The following FRMPD4 variants were observed in gnomAD, a reference collection of about 807,000 sequenced individuals.
The protein encoded by FRMPD4 is FERM and PDZ domain-containing protein 4.
A neutral mutation model predicts 94.1 loss-of-function variants in FRMPD4; 22 were observed. The observed-to-expected ratio is 0.23, with a 90% CI of 0.17 to 0.33. The LOEUF (loss-of-function observed/expected upper bound fraction) is 0.33, where lower values mean the gene tolerates loss of function less well. Ranked by LOEUF, FRMPD4 falls within the 10% of genes least tolerant of loss-of-function variation. The pLI, the probability that FRMPD4 is intolerant of heterozygous loss-of-function variation, is 1.00. For missense variants in FRMPD4, 1,111 were observed against 1,339.9 expected (o/e 0.83, Z 2.67); for synonymous variants, 631 against 548.6 (o/e 1.15, Z -2.10).
chrX:12,110,265 A>T (rs1346022285), intron 3 of FRMPD4, among the ~76,000 whole-genome samples: 1 of 112,431 alleles, frequency 8.9e-6, no homozygotes, highest in African/African-American at 3.2e-5. Flanking sequence ...CTGGTTCAAC[A>T]TAGGCAAATC....
At chrX:11,956,586 C>A (rs745447442) in intron 3 of FRMPD4, among the ~76,000 whole-genome samples, 1 of 111,968 alleles carries the variant, frequency 8.9e-6, no homozygotes, top group Admixed American at 9.5e-5. Flanking sequence ...TCTAGTGTAA[C>A]CTAACACTTC....
intron 3 of FRMPD4, among the ~76,000 whole-genome samples, chrX:12,029,628 C>T (rs1472231460): frequency 5.4e-5 from 6 of 111,546 alleles, no homozygotes; most frequent in Admixed American, 1.9e-4. Flanking sequence ...TGATCCATTT[C>T]GAGTTAATTT....
intron 14 of FRMPD4, 138 bp from the exon 15 acceptor site, chrX:12,715,931 T>C: frequency 2.4e-6 from 1 of 419,429 alleles, no homozygotes; most frequent in Non-Finnish European, 4.2e-6. Context: ...GTACTATATT[T>C]GGGTAGTTGA....
chrX:12,478,998 A>G (rs988653088), intron 1 of FRMPD4, among the ~76,000 whole-genome samples: 5 of 111,653 alleles, frequency 4.5e-5, no homozygotes, highest in African/African-American at 1.6e-4. Flanking sequence ...GAGAGTCATA[A>G]CATTACCACA....
intron 1 of FRMPD4, among the ~76,000 whole-genome samples, chrX:12,454,821 T>G (rs1484010450): frequency 7.5e-5 from 8 of 107,069 alleles, no homozygotes; most frequent in South Asian, 8.5e-4. Flanking sequence ...CCACGTTTTT[T>G]TTTTTTTTTT....
chrX:12,024,312 C>T (rs183342803), intron 3 of FRMPD4, among the ~76,000 whole-genome samples: 5 of 111,911 alleles, frequency 4.5e-5, no homozygotes, highest in African/African-American at 1.6e-4. Flanking sequence ...CATGTACACA[C>T]CCACATATTC....
At chrX:12,677,477 TA>T (rs35199206) in intron 5 of FRMPD4, among the ~76,000 whole-genome samples, 37,735 of 98,531 alleles carry the variant, frequency 0.38, 6,333 homozygotes, top group African/African-American at 0.59. Context: ...TTGCTTTTTG[TA>T]AAAAAAAAAA....
intron 1 of FRMPD4, among the ~76,000 whole-genome samples, chrX:11,850,961 G>C (rs1160751380): frequency 1.8e-5 from 2 of 112,034 alleles, no homozygotes; most frequent in Non-Finnish European, 3.8e-5. Context: ...TTTATGTTGT[G>C]TATATTTTAC....
chrX:12,610,010 G>T, intron 3 of FRMPD4, 129 bp downstream of exon 3: 1 of 589,598 alleles, frequency 1.7e-6, no homozygotes, highest in Non-Finnish European at 2.6e-6. Flanking sequence ...CCTGGATAGA[G>T]TCACTTCACC....
chrX:12,374,408 G>A (rs1320181669), intron 1 of FRMPD4, among the ~76,000 whole-genome samples: 1 of 111,983 alleles, frequency 8.9e-6, no homozygotes, highest in East Asian at 2.8e-4. Context: ...TCGATGCTGA[G>A]CTTGGACTAA....
intron 1 of FRMPD4, among the ~76,000 whole-genome samples, chrX:12,340,037 T>C (rs1354979803): frequency 1.8e-5 from 2 of 112,559 alleles, no homozygotes; most frequent in Admixed American, 1.9e-4. Flanking sequence ...CTTCCTCTCC[T>C]GAGAATTGTT....
chrX:12,151,187 T>C (rs961604158), intron 1 of FRMPD4, among the ~76,000 whole-genome samples: 25 of 111,475 alleles, frequency 2.2e-4, no homozygotes, highest in South Asian at 2.2e-3. Flanking sequence ...TATTGTTAAG[T>C]GAAAATAGTA....
At chrX:12,074,077 T>C (rs2054992551) in intron 3 of FRMPD4, among the ~76,000 whole-genome samples, 1 of 112,389 alleles carries the variant, frequency 8.9e-6, no homozygotes, top group Admixed American at 9.5e-5. Flanking sequence ...ATCTGGATAC[T>C]AATCTTTTTA....
At chrX:12,574,677 T>A (rs1367436731) in intron 2 of FRMPD4, among the ~76,000 whole-genome samples, 1 of 110,816 alleles carries the variant, frequency 9.0e-6, no homozygotes, top group Non-Finnish European at 1.9e-5. Context: ...TTTGTAGTTT[T>A]TGTAGAGACA....
chrX:12,496,559 A>G (rs1010734998), intron 1 of FRMPD4, among the ~76,000 whole-genome samples: 5 of 112,519 alleles, frequency 4.4e-5, no homozygotes, highest in African/African-American at 1.6e-4. Context: ...ATCACACTGC[A>G]TAGGAACCGG....
intron 1 of FRMPD4, among the ~76,000 whole-genome samples, chrX:12,230,950 ATAG>A (rs1320246282): frequency 5.4e-5 from 4 of 73,940 alleles, no homozygotes; most frequent in Non-Finnish European, 9.4e-5. Context: ...ATATAGTAAT[ATAG>A]TATATATAGT....
chrX:12,137,012 T>C (rs1365444951), upstream of FRMPD4, among the ~76,000 whole-genome samples: 2 of 110,729 alleles, frequency 1.8e-5, no homozygotes, highest in African/African-American at 6.6e-5. Context: ...TATTGCCTTA[T>C]ATGAAAAGGT....
Position 12,416,982 on chromosome X carries a change from A to C in FRMPD4, c.42-81698A>C, listed in dbSNP as rs377549810. Among the ~76,000 whole-genome samples, 11 of 111,541 alleles carry C rather than the reference A, an allele frequency of 9.9e-5. No individual in the cohort carries two copies. The East Asian group carries it at 3.1e-3, about 31-fold the overall frequency. ...GAGACTATTCCTACTTAATTGAAAA[A>C]ATTCAATTTAATTTATAGATAAGGA... On this transcript the variant is annotated intron_variant, in intron 1 of 16. Transcript: ENST00000675598.
At chrX:11,853,543 G>T (rs1279931748) in intron 1 of FRMPD4, among the ~76,000 whole-genome samples, 1 of 110,916 alleles carries the variant, frequency 9.0e-6, no homozygotes, top group African/African-American at 3.3e-5. Flanking sequence ...TGACAAGGGG[G>T]ATATTACCAC....
Sources: gnomAD v4.1 joint callset for allele counts (sites outside exome capture counted in the v4.1 genomes callset) on GRCh38, gnomAD v4.1.1 for gene constraint, MANE v1.5 for transcripts, NCBI Gene and HGNC (gene_info 2026-07-23, HGNC 2026-07-21) for gene names.